STMN2: variants seen among roughly 807,000 people sequenced by gnomAD.
STMN2 encodes the protein stathmin 2.
Under a neutral mutation model 24.1 loss-of-function variants are expected in STMN2, and 2 were observed. That is an observed-to-expected ratio of 0.08 (90% CI 0.03 to 0.26). STMN2 has a LOEUF of 0.26. STMN2 is among the 10% of genes least tolerant of loss of function. The pLI is 1.00. For missense variants in STMN2, 114 were observed against 213.6 expected (o/e 0.53, Z 2.91); for synonymous variants, 83 against 77.5 (o/e 1.07, Z -0.37).
chr8:79,624,262 G>C (rs1253164905), intron 1 of STMN2, among the ~76,000 whole-genome samples: 1 of 151,904 alleles, frequency 6.6e-6, no homozygotes, highest in Non-Finnish European at 1.5e-5. Flanking sequence ...AGACCATCCT[G>C]GCTAACACGG....
intron 1 of STMN2, among the ~76,000 whole-genome samples, chr8:79,636,052 AC>A: frequency 6.6e-6 from 1 of 152,218 alleles, no homozygotes; most frequent in Admixed American, 6.5e-5. Context: ...CTCTGTCTGT[AC>A]AAAAAATACA....
At chr8:79,646,146 T>G (rs1377489253) in intron 3 of STMN2, among the ~76,000 whole-genome samples, 1 of 152,134 alleles carries the variant, frequency 6.6e-6, no homozygotes, top group Non-Finnish European at 1.5e-5. Context: ...CCTCCCATCC[T>G]AAAACAATTA....
At chr8:79,663,843 T>C (rs1806548606) in intron 4 of STMN2, among the ~76,000 whole-genome samples, 1 of 152,190 alleles carries the variant, frequency 6.6e-6, no homozygotes, top group Non-Finnish European at 1.5e-5. Flanking sequence ...AGCCACATAC[T>C]AAAAAATACT....
chr8:79,630,431 A>G (rs1809772548), intron 1 of STMN2, among the ~76,000 whole-genome samples: 1 of 152,170 alleles, frequency 6.6e-6, no homozygotes, highest in South Asian at 2.1e-4. Context: ...GTCAACGTTT[A>G]TTTTCTGGAG....
At chr8:79,613,282 A>G (rs1266201841) in intron 1 of STMN2, among the ~76,000 whole-genome samples, 2 of 152,034 alleles carry the variant, frequency 1.3e-5, no homozygotes, top group Non-Finnish European at 2.9e-5. Flanking sequence ...GCTGAGGCCC[A>G]GAGCCGCCTA....
intron 3 of STMN2, among the ~76,000 whole-genome samples, chr8:79,642,291 G>A (rs1441898484): frequency 6.6e-6 from 1 of 152,100 alleles, no homozygotes; most frequent in Non-Finnish European, 1.5e-5. Context: ...AGAGCCAAGG[G>A]TATTATTTGA....
At chr8:79,614,114 G>C (rs986672825) in intron 1 of STMN2, among the ~76,000 whole-genome samples, 3 of 152,028 alleles carry the variant, frequency 2.0e-5, no homozygotes, top group Non-Finnish European at 4.4e-5. Context: ...AATGGTAGCC[G>C]CCATCCAAAT....
chr8:79,664,975 A>C lies in STMN2; in HGVS notation c.*101A>C, dbSNP rs373883188. On this transcript the variant is annotated 3_prime_UTR_variant, in exon 5 of 5. Coordinates refer to ENST00000220876, the MANE Select transcript of STMN2 (RefSeq NM_007029.4). ...GATGGGGAATGTATGACATGGTTTAAAAAGAACTCATTATAAAAAAAAAAA... is the reference window on the plus strand; with the variant it reads ...GATGGGGAATGTATGACATGGTTTACAAAGAACTCATTATAAAAAAAAAAA... 6.7e-6 allele frequency: 7 copies of C among 1,038,630 alleles called. No homozygotes were observed. Among genetic ancestry groups the C allele is most frequent in the South Asian group, 5.9e-5 (2 of 33,940 alleles). 64.3% of individuals were successfully genotyped at this position (1,038,630 alleles called of 1,614,324 possible). A position where few individuals can be genotyped will look rare whatever the true frequency, so the allele number is the denominator to read the frequency against.
intron 1 of STMN2, among the ~76,000 whole-genome samples, chr8:79,623,474 G>A (rs1271543455): frequency 1.3e-5 from 2 of 152,142 alleles, no homozygotes; most frequent in African/African-American, 4.8e-5. Context: ...ATGTAAATGT[G>A]TGGTACATAA....
At chr8:79,633,298 G>T (rs1809859068) in intron 1 of STMN2, among the ~76,000 whole-genome samples, 1 of 152,200 alleles carries the variant, frequency 6.6e-6, no homozygotes, top group Admixed American at 6.5e-5. Context: ...TTGTCACTGG[G>T]TAGAGTCATG....
intron 2 of STMN2, among the ~76,000 whole-genome samples, chr8:79,640,031 C>G (rs1810058084): frequency 6.6e-6 from 1 of 152,168 alleles, no homozygotes; most frequent in African/African-American, 2.4e-5. Flanking sequence ...GAAACCTTGC[C>G]TCTACTAAAA....
intron 2 of STMN2, among the ~76,000 whole-genome samples, chr8:79,639,728 G>T (rs1418513161): frequency 6.6e-6 from 1 of 152,008 alleles, no homozygotes; most frequent in Non-Finnish European, 1.5e-5. Flanking sequence ...GTATATGTTT[G>T]CGGTGTATGG....
chr8:79,648,069 C>A (rs983250300), intron 3 of STMN2, among the ~76,000 whole-genome samples: 3 of 152,206 alleles, frequency 2.0e-5, no homozygotes, highest in Non-Finnish European at 4.4e-5. Flanking sequence ...ATTACATGAG[C>A]ATCCTTAGCA....
At chr8:79,660,256 C>T (rs1039627605) in intron 4 of STMN2, among the ~76,000 whole-genome samples, 5 of 152,180 alleles carry the variant, frequency 3.3e-5, no homozygotes, top group African/African-American at 4.8e-5. Context: ...TTGAATTCCC[C>T]ACTTAATCCA....
chr8:79,618,077 A>C (rs139970469), intron 1 of STMN2, among the ~76,000 whole-genome samples: 175 of 152,326 alleles, frequency 1.1e-3, no homozygotes, highest in African/African-American at 3.9e-3. Context: ...TATCTGTTCC[A>C]TGTTAGAGGT....
chr8:79,645,162 A>T (rs1810192505), intron 3 of STMN2, among the ~76,000 whole-genome samples: 1 of 152,166 alleles, frequency 6.6e-6, no homozygotes, highest in African/African-American at 2.4e-5. Flanking sequence ...CTCAAAAAAA[A>T]AAAAGAAAGA....
chr8:79,623,124 C>T (rs1162240511), intron 1 of STMN2, among the ~76,000 whole-genome samples: 1 of 152,130 alleles, frequency 6.6e-6, no homozygotes, highest in Non-Finnish European at 1.5e-5. Flanking sequence ...TGGATAAGCA[C>T]GACAAAGACA....
At position 79,653,316 on chromosome 8, in the gene STMN2, A is replaced by T. The variant is rs530132496; in HGVS notation, c.289-1555A>T. On this transcript the variant is annotated intron_variant, in intron 3 of 4. Transcript: ENST00000220876. ...CGCTTGAACCTCAGAGGCAGAGATT[A>T]CAGTGAGCAGAGATCACGCCACTGT... Among the ~76,000 whole-genome samples, 12 of 152,288 alleles carry T rather than the reference A, an allele frequency of 7.9e-5. 1 individual carries two copies. In the East Asian group the frequency reaches 1.2e-3, roughly 15 times the overall value.
intron 1 of STMN2, among the ~76,000 whole-genome samples, chr8:79,623,968 G>C (rs1035239534): frequency 2.0e-5 from 3 of 152,160 alleles, no homozygotes. Flanking sequence ...TAAGGTAAAT[G>C]AAATTCAGTA....
Sources: gnomAD v4.1 joint callset for allele counts (sites outside exome capture counted in the v4.1 genomes callset) on GRCh38, gnomAD v4.1.1 for gene constraint, MANE v1.5 for transcripts, NCBI Gene and HGNC (gene_info 2026-07-23, HGNC 2026-07-21) for gene names.